The following NAALADL2 variants were observed in gnomAD, a reference collection of about 807,000 sequenced individuals.
NAALADL2 encodes the protein N-acetylated alpha-linked acidic dipeptidase like 2, also known as inactive N-acetylated-alpha-linked acidic dipeptidase-like protein 2.
NAALADL2 carries 76 observed loss-of-function variants against 87.2 expected under a neutral mutation model. That is an observed-to-expected ratio of 0.87 (90% CI 0.72 to 1.05). The LOEUF is 1.05. Among genes scored for constraint, NAALADL2 ranks in the 50% least tolerant of loss-of-function variants. NAALADL2 has a pLI of 0.00. For synonymous variants in NAALADL2, 354 were observed against 331.0 expected, an observed-to-expected ratio of 1.07 and a Z score of -0.75; for missense variants, 1,089 against 945.8, an observed-to-expected ratio of 1.15 and a Z score of -1.99.
chr3:175,227,192 C>A (rs1007540244), intron 2 of NAALADL2, among the ~76,000 whole-genome samples: 4 of 151,976 alleles, frequency 2.6e-5, no homozygotes, highest in African/African-American at 4.8e-5. Flanking sequence ...TGGCATTCAA[C>A]CTGGTGTTAG....
At chr3:175,074,953 A>G (rs1191448878) in intron 1 of NAALADL2, among the ~76,000 whole-genome samples, 1 of 152,128 alleles carries the variant, frequency 6.6e-6, no homozygotes, top group African/African-American at 2.4e-5. Context: ...GTGGAAGAAG[A>G]CAAAAGTATT....
intron 2 of NAALADL2, among the ~76,000 whole-genome samples, chr3:174,610,691 A>C (rs1719735453): frequency 6.6e-6 from 1 of 151,796 alleles, no homozygotes; most frequent in South Asian, 2.1e-4. Context: ...GATGTGGAGA[A>C]ATAGGAACAC....
At chr3:175,337,941 G>T (rs1253715987) in intron 5 of NAALADL2, among the ~76,000 whole-genome samples, 1 of 152,186 alleles carries the variant, frequency 6.6e-6, no homozygotes. Flanking sequence ...ACGAGTAAGA[G>T]CCTAGCAAAC....
intron 2 of NAALADL2, among the ~76,000 whole-genome samples, chr3:175,230,929 A>G (rs1478315798): frequency 1.3e-5 from 2 of 152,024 alleles, no homozygotes; most frequent in East Asian, 1.9e-4. Context: ...AAACTTTTGC[A>G]TATGTCTATC....
chr3:175,528,829 G>C (rs950097562), intron 9 of NAALADL2, among the ~76,000 whole-genome samples: 6 of 152,178 alleles, frequency 3.9e-5, no homozygotes, highest in African/African-American at 1.4e-4. Flanking sequence ...GTTAGTACAA[G>C]AGTACACATG....
intron 3 of NAALADL2, among the ~76,000 whole-genome samples, chr3:174,845,213 GACC>G (rs1187032096): frequency 3.9e-5 from 6 of 152,180 alleles, no homozygotes; most frequent in African/African-American, 1.4e-4. Flanking sequence ...CAGCAAGATG[GACC>G]ACCTCCAGGC....
chr3:175,427,289 G>A (rs964698390), intron 5 of NAALADL2, among the ~76,000 whole-genome samples: 1 of 152,148 alleles, frequency 6.6e-6, no homozygotes, highest in African/African-American at 2.4e-5. Flanking sequence ...GATTTGGGGG[G>A]TAGTTTCTCA....
chr3:174,818,940 T>C (rs973801189), intron 3 of NAALADL2, among the ~76,000 whole-genome samples: 8 of 152,072 alleles, frequency 5.3e-5, no homozygotes, highest in Admixed American at 4.6e-4. Flanking sequence ...CATTTTACTT[T>C]TAAAAGATTC....
chr3:175,085,105 C>G (rs1026554545), intron 1 of NAALADL2, among the ~76,000 whole-genome samples: 54 of 152,198 alleles, frequency 3.5e-4, no homozygotes, highest in African/African-American at 1.3e-3. Context: ...GTGGAATTCC[C>G]AATTTGCCTT....
upstream of NAALADL2, chr3:174,859,301 T>C: frequency 1.3e-6 from 1 of 780,744 alleles, no homozygotes; most frequent in Non-Finnish European, 2.2e-6. Context: ...AGAAAGCAGG[T>C]AGTATACTGT....
intron 2 of NAALADL2, among the ~76,000 whole-genome samples, chr3:174,568,707 G>A (rs1015235120): frequency 6.6e-6 from 1 of 151,732 alleles, no homozygotes; most frequent in Admixed American, 6.6e-5. Context: ...CACTGAGACT[G>A]TAAGTCCATA....
At chr3:174,519,384 A>G (rs1292213716) in intron 1 of NAALADL2, among the ~76,000 whole-genome samples, 1 of 145,224 alleles carries the variant, frequency 6.9e-6, no homozygotes, top group Non-Finnish European at 1.5e-5. Context: ...GCTGGAGTGC[A>G]GTGGTGTGAT....
chr3:175,789,286 A>G (rs1752494244), intron 13 of NAALADL2, among the ~76,000 whole-genome samples: 1 of 152,128 alleles, frequency 6.6e-6, no homozygotes, highest in Non-Finnish European at 1.5e-5. Flanking sequence ...AATTCTTTCT[A>G]AATTTTCTTA....
chr3:174,954,769 T>G (rs553201963), intron 1 of NAALADL2, among the ~76,000 whole-genome samples: 1 of 152,192 alleles, frequency 6.6e-6, no homozygotes, highest in Admixed American at 6.6e-5. Context: ...TTCGATGACC[T>G]GAGAGGTTTG....
At chr3:175,425,937 T>C (rs1295739484) in intron 5 of NAALADL2, among the ~76,000 whole-genome samples, 1 of 152,170 alleles carries the variant, frequency 6.6e-6, no homozygotes. Flanking sequence ...AAGATATAAT[T>C]GATAAAAAGT....
chr3:174,452,407 G>T (rs1475236761), intron 1 of NAALADL2, among the ~76,000 whole-genome samples: 1 of 152,116 alleles, frequency 6.6e-6, no homozygotes, highest in Admixed American at 6.6e-5. Context: ...GCACCCTGCT[G>T]CACCTAACAA....
chr3:174,828,836 A>G (rs758414241), intron 3 of NAALADL2, among the ~76,000 whole-genome samples: 1 of 152,220 alleles, frequency 6.6e-6, no homozygotes, highest in Non-Finnish European at 1.5e-5. Context: ...TATGGGTCCA[A>G]TCAGTTAAAC....
intron 1 of NAALADL2, among the ~76,000 whole-genome samples, chr3:174,481,240 G>A (rs529644054): frequency 6.6e-6 from 1 of 152,136 alleles, no homozygotes; most frequent in East Asian, 1.9e-4. Flanking sequence ...AATTCTAACT[G>A]CTAGAGATAA....
At chr3:175,272,532 C>A (rs550252624) in intron 4 of NAALADL2, among the ~76,000 whole-genome samples, 2 of 152,140 alleles carry the variant, frequency 1.3e-5, no homozygotes, top group Admixed American at 1.3e-4. Flanking sequence ...TTGCTTTAAG[C>A]AATTTATTCA....
Sources: allele counts gnomAD v4.1 joint callset (sites outside exome capture counted in the v4.1 genomes callset), GRCh38; gene constraint gnomAD v4.1.1; transcripts MANE v1.5; gene names NCBI Gene and HGNC (gene_info 2026-07-23, HGNC 2026-07-21).